Variants in PLCB4 observed in about 807,000 individuals in gnomAD.
PLCB4 encodes the protein phospholipase C beta 4.
Under a neutral mutation model 178.8 loss-of-function variants are expected in PLCB4, and 77 were observed. That is an observed-to-expected ratio of 0.43 (90% CI 0.36 to 0.52). The LOEUF (loss-of-function observed/expected upper bound fraction) is 0.52, where lower values mean the gene tolerates loss of function less well. Ranked by LOEUF, PLCB4 falls within the 20% of genes least tolerant of loss-of-function variation. The probability of loss-of-function intolerance (pLI) is 0.00; values close to 1 mark genes in which losing one functional copy is unlikely to be tolerated. For synonymous variants in PLCB4, 496 were observed against 490.8 expected, an observed-to-expected ratio of 1.01 and a Z score of -0.14; for missense variants, 1,024 against 1,453.4, an observed-to-expected ratio of 0.70 and a Z score of 4.80.
intron 1 of PLCB4, among the ~76,000 whole-genome samples, chr20:9,092,459 C>T (rs2090726867): frequency 6.6e-6 from 1 of 152,022 alleles, no homozygotes; most frequent in Non-Finnish European, 1.5e-5. Flanking sequence ...ATGAGGTTTC[C>T]ACTGCAATGG....
At chr20:9,222,379 T>G (rs1235652669) in intron 3 of PLCB4, among the ~76,000 whole-genome samples, 1 of 152,112 alleles carries the variant, frequency 6.6e-6, no homozygotes, top group Non-Finnish European at 1.5e-5. Flanking sequence ...AGGCATGAGC[T>G]ACTGTGCCCA....
chr20:9,131,323 C>G (rs1365055191), intron 2 of PLCB4, among the ~76,000 whole-genome samples: 1 of 152,052 alleles, frequency 6.6e-6, no homozygotes, highest in African/African-American at 2.4e-5. Context: ...TTTCCTCCCT[C>G]CTTCTGAAAC....
intron 2 of PLCB4, among the ~76,000 whole-genome samples, chr20:9,123,438 A>G (rs1477268546): frequency 7.1e-6 from 1 of 141,616 alleles, no homozygotes; most frequent in African/African-American, 2.6e-5. Flanking sequence ...TTTTTTATAT[A>G]TATTTCAGCT....
intron 1 of PLCB4, among the ~76,000 whole-genome samples, chr20:9,093,813 G>A (rs1253963141): frequency 6.6e-6 from 1 of 152,020 alleles, no homozygotes; most frequent in Non-Finnish European, 1.5e-5. Flanking sequence ...GGGCTGTGAG[G>A]ATGATTTTAC....
chr20:9,451,198 C>T (rs2042750343), intron 32 of PLCB4, among the ~76,000 whole-genome samples: 2 of 152,110 alleles, frequency 1.3e-5, no homozygotes, highest in Non-Finnish European at 2.9e-5. Flanking sequence ...GAGTTGAATC[C>T]ATCATAAACA....
rs1191844469 is a variant in PLCB4 at position 9,479,504 on chromosome 20, C to T, written c.*495C>T. On this transcript the variant is annotated 3_prime_UTR_variant, in exon 40 of 40. Transcript: ENST00000378473. The stretch of plus-strand genomic sequence containing the variant: ...CAAAATTTTTCTACATCTAAGTTAC[C>T]TCATCAGTAAGTGCCATGTCTCTAC... The T allele has an allele frequency of 6.4e-6, 1 of 156,862 alleles. No individual in the cohort carries two copies. Among genetic ancestry groups the T allele is most frequent in the Non-Finnish European group, 1.4e-5 (1 of 70,674 alleles). The allele number at this position is 156,862 out of a possible 1,614,324, so 9.7% of individuals were successfully genotyped here. A position where few individuals can be genotyped will look rare whatever the true frequency, so the allele number is the denominator to read the frequency against.
chr20:9,440,206 G>A (rs1242275703), intron 30 of PLCB4, among the ~76,000 whole-genome samples: 2 of 152,202 alleles, frequency 1.3e-5, no homozygotes, highest in Non-Finnish European at 1.5e-5. Flanking sequence ...TCAAAAATGT[G>A]TTTAATATCT....
At chr20:9,078,474 C>G (rs2089986929) in intron 1 of PLCB4, among the ~76,000 whole-genome samples, 1 of 151,866 alleles carries the variant, frequency 6.6e-6, no homozygotes, top group South Asian at 2.1e-4. Context: ...GCAACCTCTG[C>G]CTCCCTGGTT....
intron 7 of PLCB4, among the ~76,000 whole-genome samples, chr20:9,354,275 G>A (rs1448694165): frequency 2.0e-5 from 3 of 152,122 alleles, no homozygotes; most frequent in Non-Finnish European, 4.4e-5. Context: ...GTTAGTTAGC[G>A]TTTGAAAAAT....
At chr20:9,176,287 G>A (rs1479917359) in intron 2 of PLCB4, among the ~76,000 whole-genome samples, 7 of 152,154 alleles carry the variant, frequency 4.6e-5, no homozygotes, top group African/African-American at 1.7e-4. Context: ...AGGCTGTTAA[G>A]AGTAAGGTTC....
chr20:9,155,927 G>A (rs1224883548), intron 2 of PLCB4, among the ~76,000 whole-genome samples: 2 of 152,092 alleles, frequency 1.3e-5, no homozygotes, highest in African/African-American at 4.8e-5. Context: ...AATACAGTAT[G>A]GACAATAAGT....
At chr20:9,240,466 C>T (rs1486370756) in intron 3 of PLCB4, among the ~76,000 whole-genome samples, 1 of 152,126 alleles carries the variant, frequency 6.6e-6, no homozygotes. Context: ...CCCTTTCATT[C>T]TCTCTGTAAC....
chr20:9,209,857 G>T lies in PLCB4; in HGVS notation c.-78-7533G>T, dbSNP rs182593951. On this transcript the variant is annotated intron_variant, in intron 2 of 39. Coordinates refer to ENST00000378473, the MANE Select transcript of PLCB4 (RefSeq NM_001377142.1). ...CGGGCGCCTGTAGTCCCAGTTACTC[G>T]GGAAGCTGAGGCAGGAGAATGGCGT... Among the ~76,000 whole-genome samples the T allele has an allele frequency of 2.0e-5, 3 of 151,298 alleles. No homozygotes were observed. In the East Asian group the frequency reaches 5.8e-4, roughly 29 times the overall value.
chr20:9,437,500 G>A (rs572379812), intron 30 of PLCB4, among the ~76,000 whole-genome samples: 6 of 152,332 alleles, frequency 3.9e-5, no homozygotes, highest in African/African-American at 1.4e-4. Context: ...TGAAACAAAA[G>A]ATCATTAAGA....
intron 1 of PLCB4, among the ~76,000 whole-genome samples, chr20:9,081,544 A>C (rs184835586): frequency 1.3e-5 from 2 of 152,128 alleles, no homozygotes; most frequent in African/African-American, 4.8e-5. Flanking sequence ...ATCTTCCTGT[A>C]AAGCCTTCCT....
intron 2 of PLCB4, among the ~76,000 whole-genome samples, chr20:9,103,196 C>T (rs1157826111): frequency 1.3e-5 from 2 of 152,048 alleles, no homozygotes; most frequent in Non-Finnish European, 2.9e-5. Flanking sequence ...GAGTGCTTCT[C>T]AAACTTTTTG....
chr20:9,150,107 C>T (rs1224352387), intron 2 of PLCB4, among the ~76,000 whole-genome samples: 2 of 152,200 alleles, frequency 1.3e-5, no homozygotes, highest in Non-Finnish European at 2.9e-5. Flanking sequence ...AGTCCTGAAG[C>T]AGTGTCTGGG....
At chr20:9,300,835 G>C (rs971954721) in intron 3 of PLCB4, among the ~76,000 whole-genome samples, 3 of 152,140 alleles carry the variant, frequency 2.0e-5, no homozygotes, top group Admixed American at 6.5e-5. Context: ...GCTTCAGGGG[G>C]CCCAATATAT....
rs554799847 is a variant in PLCB4, at chr20:9,075,442, A to C, written c.-135+6236A>C. Among the ~76,000 whole-genome samples the C allele has an allele frequency of 2.0e-5, 3 of 152,364 alleles. No individual in the cohort carries two copies. The East Asian group carries it at 5.8e-4, about 29-fold the overall frequency. ...TCTGTTTCTGCAGTTGCATGCCAGA[A>C]ATCCGAGATAGGGAGAGTACTAAAT... is the stretch of plus-strand genomic sequence containing the variant. On this transcript the variant is annotated intron_variant, in intron 1 of 39. Transcript: ENST00000378473.
Sources: allele counts gnomAD v4.1 joint callset (sites outside exome capture counted in the v4.1 genomes callset), GRCh38; gene constraint gnomAD v4.1.1; transcripts MANE v1.5; gene names NCBI Gene and HGNC (gene_info 2026-07-23, HGNC 2026-07-21).